TNFSF13B: variants seen among roughly 807,000 people sequenced by gnomAD.
The protein encoded by TNFSF13B is tumor necrosis factor ligand superfamily member 13B.
Under a neutral mutation model 29.1 loss-of-function variants are expected in TNFSF13B, and 8 were observed. The observed-to-expected ratio is 0.27, with a 90% confidence interval of 0.16 to 0.50. TNFSF13B has a LOEUF of 0.50. Among genes scored for constraint, TNFSF13B ranks in the 20% least tolerant of loss-of-function variants. The pLI is 0.98. For synonymous variants in TNFSF13B, 125 were observed against 130.8 expected, an observed-to-expected ratio of 0.96 and a Z score of 0.30; for missense variants, 248 against 334.9, an observed-to-expected ratio of 0.74 and a Z score of 2.03.
intron 5 of TNFSF13B, among the ~76,000 whole-genome samples, chr13:108,305,792 G>A (rs867282010): frequency 9.9e-5 from 15 of 152,132 alleles, no homozygotes; most frequent in Admixed American, 5.9e-4. Flanking sequence ...GTCTAGAAGG[G>A]TGGCTGGTAC....
intron 3 of TNFSF13B, among the ~76,000 whole-genome samples, chr13:108,289,566 T>C (rs1881245330): frequency 6.8e-6 from 1 of 147,822 alleles, no homozygotes; most frequent in East Asian, 1.9e-4. Context: ...TAATTATATA[T>C]TATATAATAT....
At chr13:108,297,431 T>C (rs1297179007) in intron 3 of TNFSF13B, among the ~76,000 whole-genome samples, 1 of 145,786 alleles carries the variant, frequency 6.9e-6, no homozygotes, top group East Asian at 1.9e-4. Flanking sequence ...GAATCTTTTG[T>C]GTTTACCCTT....
intron 2 of TNFSF13B, among the ~76,000 whole-genome samples, chr13:108,285,568 GAA>G (rs1299900567): frequency 1.3e-5 from 2 of 152,180 alleles, no homozygotes; most frequent in Non-Finnish European, 2.9e-5. Context: ...TCTAAACATA[GAA>G]AAGGTATAGT....
At chr13:108,294,183 AT>A (rs111754666) in intron 3 of TNFSF13B, among the ~76,000 whole-genome samples, 8,154 of 143,868 alleles carry the variant, frequency 0.057, 446 homozygotes, top group African/African-American at 0.14. Context: ...AAATTCATGG[AT>A]TTTTTTTTTT....
intron 3 of TNFSF13B, among the ~76,000 whole-genome samples, chr13:108,301,611 A>G (rs185747300): frequency 9.1e-4 from 138 of 152,304 alleles, no homozygotes; most frequent in African/African-American, 3.2e-3. Flanking sequence ...AGAAGTAGAG[A>G]GTAGAATGGT....
At chr13:108,271,877 A>C (rs891219006) in intron 2 of TNFSF13B, among the ~76,000 whole-genome samples, 16 of 152,184 alleles carry the variant, frequency 1.1e-4, no homozygotes, top group Admixed American at 5.9e-4. Context: ...CTATAATACA[A>C]CATGCAAAAG....
chr13:108,303,931 A>C (rs2139071227), intron 5 of TNFSF13B, among the ~76,000 whole-genome samples: 1 of 152,314 alleles, frequency 6.6e-6, no homozygotes, highest in Non-Finnish European at 1.5e-5. Context: ...ATTCTAATGT[A>C]TTTTCTTCAA....
At chr13:108,274,354 T>G (rs1466224624) in intron 2 of TNFSF13B, among the ~76,000 whole-genome samples, 2 of 104,028 alleles carry the variant, frequency 1.9e-5, no homozygotes, top group Non-Finnish European at 2.1e-5. Context: ...TGTACAAATA[T>G]ATACACATAC....
chr13:108,302,731 C>G (rs558936850), intron 3 of TNFSF13B: 12 of 746,026 alleles, frequency 1.6e-5, no homozygotes, highest in Non-Finnish European at 2.0e-5. Flanking sequence ...CTTGACCGTT[C>G]TTAGTAAAGG....
chr13:108,279,149 GA>G (rs1165091144), intron 2 of TNFSF13B, among the ~76,000 whole-genome samples: 1 of 152,088 alleles, frequency 6.6e-6, no homozygotes, highest in Admixed American at 6.5e-5. Flanking sequence ...GAATTGTTTG[GA>G]AAAGTTGAGT....
intron 3 of TNFSF13B, among the ~76,000 whole-genome samples, chr13:108,292,371 G>C (rs1881343643): frequency 6.6e-6 from 1 of 151,960 alleles, no homozygotes; most frequent in Non-Finnish European, 1.5e-5. Flanking sequence ...AAGGGTATTT[G>C]GTTTGTTTCC....
chr13:108,276,100 G>A (rs905783457), intron 2 of TNFSF13B, among the ~76,000 whole-genome samples: 2 of 152,142 alleles, frequency 1.3e-5, no homozygotes, highest in Middle Eastern at 3.2e-3. Flanking sequence ...GTCTTTGCCC[G>A]GTTGGCATTT....
chr13:108,285,613 C>T (rs1436330519), intron 2 of TNFSF13B, among the ~76,000 whole-genome samples: 2 of 152,126 alleles, frequency 1.3e-5, no homozygotes, highest in Admixed American at 6.5e-5. Flanking sequence ...TCCCATTGAA[C>T]CACCATCAGA....
At chr13:108,295,887 G>C (rs1245409166) in intron 3 of TNFSF13B, among the ~76,000 whole-genome samples, 5 of 145,928 alleles carry the variant, frequency 3.4e-5, no homozygotes, top group Admixed American at 3.4e-4. Flanking sequence ...GCTTAATAGA[G>C]AGCCATTTCA....
intron 2 of TNFSF13B, among the ~76,000 whole-genome samples, chr13:108,280,531 C>T (rs1880911039): frequency 1.3e-5 from 2 of 152,136 alleles, no homozygotes; most frequent in Non-Finnish European, 2.9e-5. Flanking sequence ...AGCTACTGTT[C>T]TTCACTGGCA....
chr13:108,297,333 A>G (rs1390503018), intron 3 of TNFSF13B, among the ~76,000 whole-genome samples: 1 of 145,648 alleles, frequency 6.9e-6, no homozygotes, highest in Non-Finnish European at 1.5e-5. Context: ...AGCATATTTT[A>G]TATTTGATGA....
Position 108,278,623 on chromosome 13 carries a change from C to T in TNFSF13B, c.425-8180C>T, listed in dbSNP as rs1351946514. ...TTCCTCCTCCTCCCCTTCTCTTCCTCCTCCTCCCTTTCCTCCTCCTCCACT... is the reference window on the plus strand; with the variant it reads ...TTCCTCCTCCTCCCCTTCTCTTCCTTCTCCTCCCTTTCCTCCTCCTCCACT... On this transcript the variant is annotated intron_variant, in intron 2 of 5. Transcript: ENST00000375887. Among the ~76,000 whole-genome samples, 26 of 145,510 alleles carry T rather than the reference C, an allele frequency of 1.8e-4. No homozygotes were observed. In the East Asian group the frequency reaches 4.2e-3, roughly 24 times the overall value.
chr13:108,302,875 C>A, intron 3 of TNFSF13B: 1 of 989,780 alleles, frequency 1.0e-6, no homozygotes, highest in Non-Finnish European at 1.2e-6. Context: ...CTCTGGGAAT[C>A]AAAGGAAAAT....
intron 3 of TNFSF13B, among the ~76,000 whole-genome samples, chr13:108,287,932 G>T (rs1881191250): frequency 6.6e-6 from 1 of 152,128 alleles, no homozygotes; most frequent in African/African-American, 2.4e-5. Flanking sequence ...TTAATCCAGA[G>T]AAATGGTCCT....
Sources: gnomAD v4.1 joint callset for allele counts (sites outside exome capture counted in the v4.1 genomes callset) on GRCh38, gnomAD v4.1.1 for gene constraint, MANE v1.5 for transcripts, NCBI Gene and HGNC (gene_info 2026-07-23, HGNC 2026-07-21) for gene names.